The following COL28A1 variants were observed in gnomAD, a reference collection of about 807,000 sequenced individuals.
COL28A1 encodes collagen type XXVIII alpha 1 chain, also known as collagen alpha-1(XXVIII) chain.
A neutral mutation model predicts 150.2 loss-of-function variants in COL28A1; 161 were observed. That is an observed-to-expected ratio of 1.07 (90% CI 0.94 to 1.22). The LOEUF is 1.22. Ranked by LOEUF, COL28A1 falls within the 50% of genes most tolerant of loss-of-function variation. The probability of loss-of-function intolerance (pLI) is 0.00; values close to 1 mark genes in which losing one functional copy is unlikely to be tolerated. For synonymous variants in COL28A1, 552 were observed against 469.7 expected (o/e 1.18, Z -2.26); for missense variants, 1,617 against 1,388.3 (o/e 1.16, Z -2.62).
intron 8 of COL28A1, among the ~76,000 whole-genome samples, chr7:7,512,982 A>C (rs112205152): frequency 0.027 from 4,045 of 152,322 alleles, 83 homozygotes; most frequent in Non-Finnish European, 0.032. Flanking sequence ...TTGCTATGAA[A>C]AATAAATGTC....
At chr7:7,529,159 G>A (rs1221167873) in intron 3 of COL28A1, among the ~76,000 whole-genome samples, 1 of 151,844 alleles carries the variant, frequency 6.6e-6, no homozygotes, top group African/African-American at 2.4e-5. Flanking sequence ...CATGGTGGCA[G>A]GCGCCTGTAA....
chr7:7,475,701 T>C (rs1788810802), intron 14 of COL28A1, among the ~76,000 whole-genome samples: 1 of 152,222 alleles, frequency 6.6e-6, no homozygotes, highest in Admixed American at 6.5e-5. Context: ...AATAATTCTA[T>C]TTGAATTTTT....
At chr7:7,340,732 T>C in the COL28A1 span, among the ~76,000 whole-genome samples, 2 of 152,094 alleles carry the variant, frequency 1.3e-5, no homozygotes, top group Non-Finnish European at 1.5e-5. Context: ...CCGGGGTACT[T>C]TCGGGCTCAC....
downstream of COL28A1, chr7:7,357,811 C>CTTTT (rs1780412502): frequency 6.6e-6 from 1 of 152,166 alleles, no homozygotes; most frequent in South Asian, 2.1e-4. Flanking sequence ...AATTTGGTGG[C>CTTTT]TCACTTTTCA....
intron 20 of COL28A1, among the ~76,000 whole-genome samples, chr7:7,441,922 T>C (rs1785826418): frequency 6.6e-6 from 1 of 152,146 alleles, no homozygotes. Context: ...CCAAATATCT[T>C]ATATCATTAT....
intron 33 of COL28A1, 35 bp from the exon 34 acceptor site, chr7:7,360,563 AAT>A: frequency 6.4e-7 from 1 of 1,569,568 alleles, no homozygotes; most frequent in Non-Finnish European, 8.6e-7. Flanking sequence ...TGTTTCTGAT[AAT>A]ATCAAGTAAA....
rs763080823 is a variant in COL28A1, at chr7:7,517,826, T to A, written c.825A>T (p.Gln275His). 6.2e-7 allele frequency: 1 copy of A among 1,613,666 alleles called. No homozygotes were observed. The highest frequency in any genetic ancestry group is 1.3e-5 in the African/African-American group (1 of 74,894). Residue 275 changes from glutamine (Q) to histidine (H), a missense_variant, in exon 7 of 35, where the codon CAA (glutamine) becomes CAT (histidine). Gln to His is a conservative substitution (Grantham distance 24, BLOSUM62 0). Transcript: ENST00000399429. The part of the protein sequence containing the change: ...RGPKGNPGNA[Q>H]KGEAGERGPG... ...GACCTCTTTCTCCAGCTTCTCCTTT[T>A]TGAGCGTTGCCCTGTGACAAACAAA... is the stretch of plus-strand genomic sequence containing the variant.
chr7:7,444,572 T>G (rs1456245946), intron 18 of COL28A1, 83 bp from the exon 19 acceptor site: 3 of 1,367,706 alleles, frequency 2.2e-6, no homozygotes, highest in Non-Finnish European at 3.1e-6. Context: ...TCTTACAGTG[T>G]CTGAGAAAAG....
At chr7:7,358,833 C>G in intron 34 of COL28A1, 28 bp from the exon 35 acceptor site, 1 of 1,574,844 alleles carries the variant, frequency 6.3e-7, no homozygotes. Context: ...AAATGTGTCA[C>G]GGATTTTTCT....
At chr7:7,477,805 G>T (rs1384613861) in intron 13 of COL28A1, among the ~76,000 whole-genome samples, 1 of 152,172 alleles carries the variant, frequency 6.6e-6, no homozygotes, top group Non-Finnish European at 1.5e-5. Context: ...CTGCTGGCTA[G>T]GGCAGCCTGC....
intron 33 of COL28A1, among the ~76,000 whole-genome samples, chr7:7,366,616 T>C (rs534545899): frequency 2.2e-4 from 33 of 152,322 alleles, no homozygotes; most frequent in African/African-American, 7.0e-4. Context: ...AATTTGAATG[T>C]TTTTCACGAT....
the COL28A1 span, among the ~76,000 whole-genome samples, chr7:7,349,519 A>G: frequency 6.6e-6 from 1 of 152,014 alleles, no homozygotes; most frequent in Non-Finnish European, 1.5e-5. Context: ...TCCTTTCTTT[A>G]CAGTACTCTT....
intron 27 of COL28A1, among the ~76,000 whole-genome samples, chr7:7,401,175 C>A (rs907514209): frequency 6.6e-6 from 1 of 151,982 alleles, no homozygotes; most frequent in African/African-American, 2.4e-5. Context: ...TTCATTCTGT[C>A]TACCCCACTG....
rs902075206 is a variant in COL28A1 at position 7,377,034 on chromosome 7, G to A, written c.2323-1537C>T. ...AAATTACACGAATTAAATTATTCAT[G>A]AGGCTACATTTCATTTCATATGCAT... On this transcript the variant is annotated intron_variant, in intron 30 of 34. Transcript: ENST00000399429. Among the ~76,000 whole-genome samples the A allele has an allele frequency of 5.3e-5, 8 of 152,272 alleles. No homozygotes were observed. In the East Asian group the frequency reaches 5.8e-4, roughly 11 times the overall value.
chr7:7,351,870 C>T (rs1780237529), downstream of COL28A1, among the ~76,000 whole-genome samples: 1 of 152,062 alleles, frequency 6.6e-6, no homozygotes, highest in African/African-American at 2.4e-5. Flanking sequence ...CAAGGGCATT[C>T]CAAAGTTAAC....
chr7:7,365,952 T>C (rs1458332461), intron 33 of COL28A1, among the ~76,000 whole-genome samples: 2 of 152,156 alleles, frequency 1.3e-5, no homozygotes, highest in African/African-American at 4.8e-5. Flanking sequence ...TACTGGGGCC[T>C]TTAGGAACAC....
intron 27 of COL28A1, among the ~76,000 whole-genome samples, chr7:7,384,967 A>G (rs763362142): frequency 1.3e-5 from 2 of 152,114 alleles, no homozygotes; most frequent in Non-Finnish European, 2.9e-5. Flanking sequence ...CCTGCAAAAC[A>G]TGCTCTAATA....
intron 11 of COL28A1, among the ~76,000 whole-genome samples, chr7:7,499,757 C>G (rs1780420811): frequency 6.6e-6 from 1 of 152,166 alleles, no homozygotes; most frequent in African/African-American, 2.4e-5. Context: ...TGAACTACTT[C>G]CAACCCATAA....
chr7:7,443,203 A>G (rs1785948371), intron 20 of COL28A1, among the ~76,000 whole-genome samples: 2 of 152,220 alleles, frequency 1.3e-5, no homozygotes, highest in African/African-American at 4.8e-5. Context: ...CAAGTTGTGA[A>G]GTGAAATGGC....
Sources: gnomAD v4.1 joint callset for allele counts (sites outside exome capture counted in the v4.1 genomes callset) on GRCh38, gnomAD v4.1.1 for gene constraint, MANE v1.5 for transcripts, NCBI Gene and HGNC (gene_info 2026-07-23, HGNC 2026-07-21) for gene names.